The following PCDHA1 variants were observed in gnomAD, a reference collection of about 807,000 sequenced individuals.
PCDHA1 encodes the protein protocadherin alpha-1.
Under a neutral mutation model 61.3 loss-of-function variants are expected in PCDHA1, and 42 were observed. That is an observed-to-expected ratio of 0.69 (90% confidence interval 0.54 to 0.89). The LOEUF is 0.89. Among genes scored for constraint, PCDHA1 ranks in the 40% least tolerant of loss-of-function variants. PCDHA1 has a pLI of 0.00. For missense variants in PCDHA1, 1,256 were observed against 1,235.3 expected, an observed-to-expected ratio of 1.02 and a Z score of -0.25; for synonymous variants, 610 against 553.8, an observed-to-expected ratio of 1.10 and a Z score of -1.43.
intron 1 of PCDHA1, chr5:140,875,983 G>A: frequency 6.2e-7 from 1 of 1,613,992 alleles, no homozygotes; most frequent in Non-Finnish European, 8.5e-7. Context: ...TTTGACCTAT[G>A]CGTTAAGTCT....
rs764735564 is a variant in PCDHA1, at chr5:140,871,304, G to A, written c.2394+82620G>A. On this transcript the variant is annotated intron_variant, in intron 1 of 3. Transcript: ENST00000504120. ...CCCACTGAGGGCGCGTGCGCGCCGG[G>A]GAAGCCCACGCTGGTGTGCTCCCGC... 4.3e-6 allele frequency: 7 copies of A among 1,613,850 alleles called. No individual in the cohort carries two copies. In the East Asian group the frequency reaches 1.3e-4, roughly 31 times the overall value.
intron 1 of PCDHA1, chr5:140,807,296 G>T: frequency 6.2e-7 from 1 of 1,614,180 alleles, no homozygotes; most frequent in Non-Finnish European, 8.5e-7. Context: ...CTCGGTCTCC[G>T]AGGAGGCCAA....
intron 1 of PCDHA1, chr5:140,968,754 G>T: frequency 1.2e-6 from 2 of 1,614,170 alleles, no homozygotes; most frequent in Non-Finnish European, 1.7e-6. Flanking sequence ...GTGGTGGTCC[G>T]AGATAATGGA....
chr5:140,869,302 G>A, intron 1 of PCDHA1: 5 of 1,613,642 alleles, frequency 3.1e-6, no homozygotes, highest in Non-Finnish European at 4.2e-6. Flanking sequence ...GTTCCGGGTG[G>A]CGTCCAAAAC....
At chr5:140,878,585 C>T (rs2057657468) in intron 1 of PCDHA1, among the ~76,000 whole-genome samples, 1 of 152,152 alleles carries the variant, frequency 6.6e-6, no homozygotes, top group African/African-American at 2.4e-5. Flanking sequence ...CTGCCCTGTG[C>T]CTATTACCAA....
rs533295201 is a variant in PCDHA1, at chr5:140,795,986, T to G, written c.2394+7302T>G. 5 of 1,614,164 alleles carry G rather than the reference T, an allele frequency of 3.1e-6. No individual in the cohort carries two copies. The African/African-American group carries it at 6.7e-5, about 22-fold the overall frequency. On this transcript the variant is annotated intron_variant, in intron 1 of 3. Coordinates refer to ENST00000504120, the MANE Select transcript of PCDHA1 (RefSeq NM_018900.4). ...CATTGTAAAATTTCATTAAAACTTG[T>G]GGACATCAATGATAACACACCAGAA...
intron 1 of PCDHA1, among the ~76,000 whole-genome samples, chr5:140,844,931 A>C (rs1262967576): frequency 6.7e-6 from 1 of 149,362 alleles, no homozygotes; most frequent in Non-Finnish European, 1.5e-5. Flanking sequence ...GAAGGGAATG[A>C]ACGATTTCTG....
At chr5:140,968,716 T>C (rs1554230993) in intron 1 of PCDHA1, 2 of 1,614,058 alleles carry the variant, frequency 1.2e-6, no homozygotes, top group Admixed American at 1.7e-5. Flanking sequence ...AGATGGGAGA[T>C]GAGAGTGGTA....
chr5:140,847,399 C>T lies in PCDHA1; in HGVS notation c.2394+58715C>T, dbSNP rs114287755. On this transcript the variant is annotated intron_variant, in intron 1 of 3. Coordinates refer to ENST00000504120, the MANE Select transcript of PCDHA1 (RefSeq NM_018900.4). Reference sequence around the variant, plus strand: ...TAAATATGCAAAAACATTAATGGCACAATAAACACTCACGGTTTTGCCTTT... The same window carrying T: ...TAAATATGCAAAAACATTAATGGCATAATAAACACTCACGGTTTTGCCTTT... 2.4e-3 allele frequency: 361 copies of T among 149,562 alleles called. 12 individuals are homozygous for T. Among genetic ancestry groups the T allele is most frequent in the African/African-American group, 8.0e-3 (327 of 40,902 alleles). 9.3% of individuals were successfully genotyped at this position (149,562 alleles called of 1,614,324 possible).
intron 1 of PCDHA1, chr5:140,835,675 G>T (rs2150241595): frequency 2.5e-6 from 4 of 1,613,918 alleles, no homozygotes; most frequent in Non-Finnish European, 3.4e-6. Flanking sequence ...CGGGACGGGG[G>T]CTCGCCTTCT....
chr5:140,870,962 C>G (rs1489353896), intron 1 of PCDHA1: 2 of 1,613,532 alleles, frequency 1.2e-6, no homozygotes, highest in African/African-American at 1.3e-5. Context: ...TCGCGCATCC[C>G]GTTCCGCGTG....
intron 1 of PCDHA1, chr5:140,926,622 G>A: frequency 2.5e-6 from 1 of 396,424 alleles, no homozygotes. Context: ...CCCCTAGGCG[G>A]CGCTGCGCTC....
intron 1 of PCDHA1, among the ~76,000 whole-genome samples, chr5:140,934,548 ATT>A (rs1290393008): frequency 1.3e-5 from 2 of 152,018 alleles, no homozygotes; most frequent in African/African-American, 2.4e-5. Context: ...TAATTCTATC[ATT>A]TCTTCTTTTT....
At chr5:140,870,771 C>G (rs370490786) in intron 1 of PCDHA1, 13 of 1,613,466 alleles carry the variant, frequency 8.1e-6, no homozygotes, top group Non-Finnish European at 1.1e-5. Context: ...TCGTGCTGGA[C>G]GAGAACGACA....
At chr5:140,887,029 T>C (rs1308343052) in intron 1 of PCDHA1, among the ~76,000 whole-genome samples, 1 of 152,140 alleles carries the variant, frequency 6.6e-6, no homozygotes, top group Non-Finnish European at 1.5e-5. Flanking sequence ...AAAAATTTCT[T>C]TAATATTTTT....
rs2150184620 is a variant in PCDHA1 at position 140,830,293 on chromosome 5, G to T, written c.2394+41609G>T. On this transcript the variant is annotated intron_variant, in intron 1 of 3. Transcript: ENST00000504120. ...CACCCACCGAGGGCGCGTGCACGGC[G>T]GACAAGCCCACGCTGGTGTGCTCCA... The T allele has an allele frequency of 1.5e-5, 25 of 1,613,858 alleles. No homozygotes were observed. The South Asian group carries it at 2.7e-4, about 18-fold the overall frequency.
chr5:140,807,544 G>A (rs1763960180), intron 1 of PCDHA1: 1 of 1,614,168 alleles, frequency 6.2e-7, no homozygotes, highest in Admixed American at 1.7e-5. Context: ...TTTTCCATGT[G>A]GACGTGGAGG....
In PCDHA1 at chr5:140,856,743, T is replaced by C. The variant is rs17844341; in HGVS notation, c.2394+68059T>C. On this transcript the variant is annotated intron_variant, in intron 1 of 3. Transcript: ENST00000504120. Reference sequence around the variant, plus strand: ...TCTGTTTCTCTGCTGATCCTGGTGTTAGATGCCAATGATAACGCCCCTATC... The same window carrying C: ...TCTGTTTCTCTGCTGATCCTGGTGTCAGATGCCAATGATAACGCCCCTATC... 190 of 1,596,776 alleles carry C rather than the reference T, an allele frequency of 1.2e-4. 4 individuals are homozygous for C. In the East Asian group the frequency reaches 4.1e-3, roughly 35 times the overall value.
At chr5:140,880,521 A>G (rs1166001900) in intron 1 of PCDHA1, among the ~76,000 whole-genome samples, 1 of 152,260 alleles carries the variant, frequency 6.6e-6, no homozygotes, top group Non-Finnish European at 1.5e-5. Context: ...ACATCTCTCA[A>G]TGTGTGAATC....
Sources: gnomAD v4.1 joint callset for allele counts (sites outside exome capture counted in the v4.1 genomes callset) on GRCh38, gnomAD v4.1.1 for gene constraint, MANE v1.5 for transcripts, NCBI Gene and HGNC (gene_info 2026-07-23, HGNC 2026-07-21) for gene names.